The following DMC1 variants were observed in gnomAD, a reference collection of about 807,000 sequenced individuals.
DMC1 encodes the protein meiotic recombination protein DMC1 homolog.
Under a neutral mutation model 50.1 loss-of-function variants are expected in DMC1, and 27 were observed. The observed-to-expected ratio is 0.54, with a 90% CI of 0.40 to 0.74. DMC1 has a LOEUF of 0.74. Among genes scored for constraint, DMC1 ranks in the 30% least tolerant of loss-of-function variants. The pLI is 0.00. For synonymous variants in DMC1, 148 were observed against 136.1 expected (o/e 1.09, Z -0.61); for missense variants, 295 against 420.2 (o/e 0.70, Z 2.60).
chr22:38,516,085 A>C (rs979345148), downstream of DMC1, among the ~76,000 whole-genome samples: 2 of 152,192 alleles, frequency 1.3e-5, no homozygotes, highest in Non-Finnish European at 2.9e-5. Context: ...CACAGGAAAC[A>C]AATTGAACCC....
chr22:38,538,076 G>A (rs1422221724), intron 11 of DMC1, among the ~76,000 whole-genome samples: 1 of 151,938 alleles, frequency 6.6e-6, no homozygotes, highest in African/African-American at 2.4e-5. Context: ...CCTGGGAGGC[G>A]GAGGTTGCAG....
Position 38,538,399 on chromosome 22 carries a change from G to C in DMC1, c.671C>G (p.Ser224Ter). The C allele has an allele frequency of 6.2e-7, 1 of 1,611,974 alleles. No homozygotes were observed. The highest frequency in any genetic ancestry group is 8.5e-7 in the Non-Finnish European group (1 of 1,179,322). ...ATCCACTCGAAAAAGTGCCATTATT[G>C]AATCGATAATCTACACAGGATTAAT... is the stretch of plus-strand genomic sequence containing the variant. ...AGIFKLLIID[S>*]IMALFRVDFS... The change falls in exon 11 of 14, where the codon TCA becomes TGA. Residue 224 changes from serine (S) to a stop codon, truncating the protein, a stop_gained. Coordinates refer to ENST00000216024, the MANE Select transcript of DMC1 (RefSeq NM_007068.4). LOFTEE classifies it high-confidence loss of function.
In DMC1 at chr22:38,537,592, G is replaced by A. The variant is rs574105791; in HGVS notation, c.836C>T (p.Thr279Ile). The A allele has an allele frequency of 1.7e-5, 27 of 1,612,862 alleles. No individual in the cohort carries two copies. In the East Asian group the frequency reaches 1.8e-4, roughly 11 times the overall value. ...TAAAAAGTAGAATATTGGGGCTTAC[G>A]TCATAGTTGCTCCTGGATCGGCAGT... Reference protein sequence around the residue: ...QMTADPGATMTFQADPKKPIG... With the variant: ...QMTADPGATMIFQADPKKPIG... Residue 279 changes from threonine (T) to isoleucine (I), a missense_variant and splice_region_variant, in exon 12 of 14, where the codon ACC becomes ATC. Thr to Ile is a moderately conservative substitution (Grantham distance 89). Transcript: ENST00000216024.
intron 8 of DMC1, among the ~76,000 whole-genome samples, chr22:38,544,786 C>G (rs1024674816): frequency 3.2e-5 from 2 of 61,782 alleles, no homozygotes; most frequent in South Asian, 1.6e-3. Flanking sequence ...CCACCATGCC[C>G]GGCTAATTTT....
intron 7 of DMC1, among the ~76,000 whole-genome samples, chr22:38,550,946 A>AAAAAAAAG (rs2090399757): frequency 6.3e-5 from 7 of 111,374 alleles, no homozygotes; most frequent in East Asian, 3.1e-4. Flanking sequence ...AAAAAAAAAA[A>AAAAAAAAG]AAAGAAAGAA....
At chr22:38,526,494 C>A (rs1017296055) in intron 12 of DMC1, among the ~76,000 whole-genome samples, 1 of 152,020 alleles carries the variant, frequency 6.6e-6, no homozygotes, top group Non-Finnish European at 1.5e-5. Flanking sequence ...AGGCGTGGGC[C>A]ACCACGCCTG....
chr22:38,537,540 A>C, intron 12 of DMC1, 52 bp downstream of exon 12: 1 of 1,518,328 alleles, frequency 6.6e-7, no homozygotes, highest in Non-Finnish European at 9.1e-7. Flanking sequence ...CTACGCTCTA[A>C]CCCTCTTTAT....
intron 12 of DMC1, among the ~76,000 whole-genome samples, chr22:38,527,935 TC>T (rs1348032043): frequency 6.6e-6 from 1 of 152,156 alleles, no homozygotes; most frequent in Admixed American, 6.6e-5. Context: ...GCTTTCCTAA[TC>T]CTGACTTAAA....
chr22:38,525,790 A>T (rs1009419486), intron 12 of DMC1, among the ~76,000 whole-genome samples: 5 of 152,014 alleles, frequency 3.3e-5, no homozygotes, highest in Admixed American at 6.6e-5. Flanking sequence ...AAATACAACA[A>T]TTATCTGGGC....
rs60295497 is a variant in DMC1 at position 38,550,930 on chromosome 22, C to CA, written c.422-934dup. On this transcript the variant is annotated intron_variant, in intron 7 of 13. Transcript: ENST00000216024. Reference sequence around the variant, plus strand: ...TGGGTGATAGATCAAGACTCCATCTCAAAAAAAAAAAAAAAAAAAGAAAGA... The same window carrying CA: ...TGGGTGATAGATCAAGACTCCATCTCAAAAAAAAAAAAAAAAAAAAGAAAGA... Among the ~76,000 whole-genome samples, 530 of 57,564 alleles carry CA rather than the reference C, an allele frequency of 9.2e-3. 7 individuals carry two copies. Among genetic ancestry groups the CA allele is most frequent in the Middle Eastern group, 0.026 (2 of 78 alleles). The allele number at this position is 57,564 out of a possible 152,430, so 37.8% of individuals were successfully genotyped here. A position where few individuals can be genotyped will look rare whatever the true frequency, so the allele number is the denominator to read the frequency against.
intron 11 of DMC1, among the ~76,000 whole-genome samples, chr22:38,537,876 G>A (rs955864213): frequency 1.7e-4 from 26 of 152,078 alleles, no homozygotes; most frequent in Admixed American, 1.4e-3. Flanking sequence ...CGGGCTCAGC[G>A]GCTCATGCCT....
downstream of DMC1, among the ~76,000 whole-genome samples, chr22:38,516,695 G>A (rs2089978927): frequency 6.6e-6 from 1 of 152,206 alleles, no homozygotes; most frequent in South Asian, 2.1e-4. Flanking sequence ...AGAGATCACT[G>A]GGGAATGTGG....
At chr22:38,547,591 A>T (rs536893440) in intron 8 of DMC1, among the ~76,000 whole-genome samples, 1 of 151,692 alleles carries the variant, frequency 6.6e-6, no homozygotes, top group East Asian at 1.9e-4. Flanking sequence ...CCCAGGCTGG[A>T]GTGCAATGGC....
chr22:38,554,483 A>T (rs2145957494), intron 6 of DMC1, among the ~76,000 whole-genome samples: 1 of 152,088 alleles, frequency 6.6e-6, no homozygotes, highest in South Asian at 2.1e-4. Context: ...CTCCAAGGAC[A>T]GCAAATACTG....
Position 38,521,698 on chromosome 22 carries a change from A to T in DMC1, c.863T>A (p.Ile288Asn). 1 of 1,613,768 alleles carries T rather than the reference A, an allele frequency of 6.2e-7. No individual in the cohort carries two copies. The highest frequency in any genetic ancestry group is 8.5e-7 in the Non-Finnish European group (1 of 1,179,808). Residue 288 changes from isoleucine (I) to asparagine (N), a missense_variant, in exon 13 of 14, where the codon ATT becomes AAT. Transcript: ENST00000216024. ...MTFQADPKKP[I>N]GGHILAHAST... is the part of the protein sequence containing the mutation. ...AGCATGAGCCAGAATGTGTCCCCCA[A>T]TGGGTTTTTTGGGATCTGCCTGAAA...
chr22:38,558,983 T>G (rs909673802), intron 5 of DMC1, among the ~76,000 whole-genome samples: 10 of 152,170 alleles, frequency 6.6e-5, no homozygotes, highest in African/African-American at 2.4e-4. Flanking sequence ...AAAAAGGGTA[T>G]GTGATTTTAA....
chr22:38,529,048 T>A (rs1381141326), intron 12 of DMC1, among the ~76,000 whole-genome samples: 1 of 152,048 alleles, frequency 6.6e-6, no homozygotes, highest in Non-Finnish European at 1.5e-5. Flanking sequence ...TTCGCTCTTA[T>A]CGCCCAGGCT....
At chr22:38,517,613 A>C (rs2089985066), downstream of DMC1, among the ~76,000 whole-genome samples, 1 of 152,066 alleles carries the variant, frequency 6.6e-6, no homozygotes, top group Non-Finnish European at 1.5e-5. Context: ...CAAAACAAAA[A>C]AGTTAAAACA....
the DMC1 span, among the ~76,000 whole-genome samples, chr22:38,509,661 G>GT: frequency 6.6e-6 from 1 of 151,788 alleles, no homozygotes; most frequent in African/African-American, 2.4e-5. Flanking sequence ...GGCCTATGTA[G>GT]CTTTTTTTGT....
Sources: allele counts gnomAD v4.1 joint callset (sites outside exome capture counted in the v4.1 genomes callset), GRCh38; gene constraint gnomAD v4.1.1; transcripts MANE v1.5; gene names NCBI Gene and HGNC (gene_info 2026-07-23, HGNC 2026-07-21).